PCDHGA2: variants seen among roughly 807,000 people sequenced by gnomAD.
PCDHGA2 encodes protocadherin gamma subfamily A, 2, also known as protocadherin gamma-A2.
PCDHGA2 carries 40 observed loss-of-function variants against 59.2 expected under a neutral mutation model. The observed-to-expected ratio is 0.68, with a 90% CI of 0.52 to 0.88. The LOEUF is 0.88. Among genes scored for constraint, PCDHGA2 ranks in the 40% least tolerant of loss-of-function variants. The pLI, the probability that PCDHGA2 is intolerant of heterozygous loss-of-function variation, is 0.00. For missense variants in PCDHGA2, 1,226 were observed against 1,204.0 expected (o/e 1.02, Z -0.27); for synonymous variants, 560 against 526.0 (o/e 1.06, Z -0.89).
intron 1 of PCDHGA2, chr5:141,430,990 GA>G (rs1185464233): frequency 1.2e-6 from 2 of 1,613,970 alleles, no homozygotes; most frequent in East Asian, 4.5e-5. Context: ...TTTTCGCCCT[GA>G]ATCCGCGCAG....
intron 1 of PCDHGA2, chr5:141,361,816 C>T (rs770591894): frequency 1.9e-6 from 3 of 1,613,084 alleles, no homozygotes; most frequent in Admixed American, 3.3e-5. Flanking sequence ...CAATGCGCCA[C>T]GGGTGCTGTA....
chr5:141,364,778 A>T, intron 1 of PCDHGA2: 2 of 1,614,006 alleles, frequency 1.2e-6, no homozygotes, highest in Non-Finnish European at 1.7e-6. Context: ...GGCTGCAGGG[A>T]CACGGTTAGT....
At chr5:141,352,507 T>A (rs1428856687) in intron 1 of PCDHGA2, 1 of 1,614,016 alleles carries the variant, frequency 6.2e-7, no homozygotes. Flanking sequence ...ATTCCTACAA[T>A]CTATGTATTG....
chr5:141,457,429 C>G (rs73280316), intron 1 of PCDHGA2, among the ~76,000 whole-genome samples: 1,780 of 152,292 alleles, frequency 0.012, 30 homozygotes, highest in African/African-American at 0.04. Context: ...TTTTCCCCCC[C>G]ACCAAGCTGC....
At chr5:141,371,225 C>A in intron 1 of PCDHGA2, 1 of 1,614,046 alleles carries the variant, frequency 6.2e-7, no homozygotes, top group Non-Finnish European at 8.5e-7. Context: ...ATGCCGAAAT[C>A]ATCTATGCCT....
chr5:141,379,773 T>C (rs575153200), intron 1 of PCDHGA2: 2 of 152,144 alleles, frequency 1.3e-5, no homozygotes, highest in South Asian at 2.1e-4. Flanking sequence ...ATACAGATCA[T>C]TAATAATAAG....
chr5:141,389,361 G>T (rs1460945767), intron 1 of PCDHGA2: 1 of 1,613,880 alleles, frequency 6.2e-7, no homozygotes, highest in South Asian at 1.1e-5. Context: ...CATGGCCAGT[G>T]ACCTGGAGCA....
At chr5:141,504,364 G>A (rs764741297) in intron 2 of PCDHGA2, among the ~76,000 whole-genome samples, 2 of 152,116 alleles carry the variant, frequency 1.3e-5, no homozygotes, top group African/African-American at 2.4e-5. Flanking sequence ...GCTTCAGTAG[G>A]AAGCAGGTGG....
chr5:141,436,063 A>G (rs1406994228), intron 1 of PCDHGA2, among the ~76,000 whole-genome samples: 1 of 152,230 alleles, frequency 6.6e-6, no homozygotes, highest in Non-Finnish European at 1.5e-5. Flanking sequence ...ATAGAATTTA[A>G]TAAGTACAGT....
intron 1 of PCDHGA2, among the ~76,000 whole-genome samples, chr5:141,435,412 T>C (rs2097761991): frequency 6.6e-6 from 1 of 152,222 alleles, no homozygotes; most frequent in Non-Finnish European, 1.5e-5. Flanking sequence ...TGGTAAAGAC[T>C]ATTTTTCACT....
At chr5:141,371,984 C>G (rs761389914) in intron 1 of PCDHGA2, 4 of 1,613,266 alleles carry the variant, frequency 2.5e-6, no homozygotes, top group Non-Finnish European at 2.5e-6. Context: ...CCTTCGAGCT[C>G]ACTCTGCAGG....
intron 1 of PCDHGA2, chr5:141,427,531 A>C: frequency 1.6e-6 from 1 of 620,632 alleles, no homozygotes. Flanking sequence ...ATCCCGGAGT[A>C]CAACGTCACC....
chr5:141,477,295 G>A lies in PCDHGA2; in HGVS notation c.2425-17512G>A, dbSNP rs1207558247. On this transcript the variant is annotated intron_variant, in intron 1 of 3. Transcript: ENST00000394576. This position sits in a 1 kb window ranked among gnomAD's most constrained non-coding sequence, Gnocchi z 4.9. ...GGCTGGTGACCTGCGAAGTTCCACC[G>A]GGTCTCCCTTTCAGCCTTACTTCTT... is the stretch of plus-strand genomic sequence containing the variant. The A allele has an allele frequency of 8.1e-6, 13 of 1,613,990 alleles. No homozygotes were observed. Among genetic ancestry groups the A allele is most frequent in the Admixed American group, 3.3e-5 (2 of 59,990 alleles).
intron 1 of PCDHGA2, chr5:141,355,848 T>G: frequency 6.2e-7 from 1 of 1,612,604 alleles, no homozygotes; most frequent in South Asian, 1.1e-5. Context: ...CGGCCTTCGA[T>G]GGAGGTGACC....
intron 1 of PCDHGA2, among the ~76,000 whole-genome samples, chr5:141,373,236 T>A (rs1331345461): frequency 2.6e-5 from 4 of 152,248 alleles, no homozygotes; most frequent in African/African-American, 9.6e-5. Context: ...ATAATATTTT[T>A]ACTTCCCTTT....
chr5:141,448,152 C>T (rs1463599948), intron 1 of PCDHGA2, among the ~76,000 whole-genome samples: 1 of 151,984 alleles, frequency 6.6e-6, no homozygotes, highest in African/African-American at 2.4e-5. Flanking sequence ...CAGACTCACC[C>T]CTGAAAGATC....
At position 141,427,625 on chromosome 5, in the gene PCDHGA2, T is replaced by G. The variant is rs150347956; in HGVS notation, c.2425-67182T>G. On this transcript the variant is annotated intron_variant, in intron 1 of 3. Coordinates refer to ENST00000394576, the MANE Select transcript of PCDHGA2 (RefSeq NM_018915.4). Reference sequence around the variant, plus strand: ...GCATTGGTGAAGTCAACGACAATGCTCCGGTTTTCCACCAAGTCTCCTACG... The same window carrying G: ...GCATTGGTGAAGTCAACGACAATGCGCCGGTTTTCCACCAAGTCTCCTACG... The G allele has an allele frequency of 2.7e-3, 1,907 of 699,068 alleles. 5 individuals are homozygous for G. The highest frequency in any genetic ancestry group is 4.1e-3 in the Non-Finnish European group (1,558 of 384,098). The allele number at this position is 699,068 out of a possible 1,614,324, so 43.3% of individuals were successfully genotyped here.
At chr5:141,435,803 T>C (rs551682061) in intron 1 of PCDHGA2, among the ~76,000 whole-genome samples, 1 of 152,178 alleles carries the variant, frequency 6.6e-6, no homozygotes, top group South Asian at 2.1e-4. Context: ...ACGTCCCAAT[T>C]ATTTTTTCTT....
chr5:141,427,294 A>G (rs1239553754), intron 1 of PCDHGA2: 6 of 456,876 alleles, frequency 1.3e-5, no homozygotes, highest in Non-Finnish European at 2.2e-5. Context: ...GAAATCCTAG[A>G]TGAGAATGAC....
Sources: allele counts gnomAD v4.1 joint callset (sites outside exome capture counted in the v4.1 genomes callset), GRCh38; gene constraint gnomAD v4.1.1; non-coding constraint Gnocchi (gnomAD v3.1); transcripts MANE v1.5; gene names NCBI Gene and HGNC (gene_info 2026-07-23, HGNC 2026-07-21).